Variants in USP32 observed in about 807,000 individuals in gnomAD.
USP32 encodes ubiquitin specific peptidase 32, also known as ubiquitin carboxyl-terminal hydrolase 32.
Under a neutral mutation model 204.8 loss-of-function variants are expected in USP32, and 59 were observed. The observed-to-expected ratio is 0.29, with a 90% confidence interval of 0.23 to 0.36. The LOEUF (loss-of-function observed/expected upper bound fraction) is 0.36. USP32 is among the 10% of genes least tolerant of loss of function. The pLI, the probability that USP32 is intolerant of heterozygous loss-of-function variation, is 1.00. For synonymous variants in USP32, 517 were observed against 678.4 expected, an observed-to-expected ratio of 0.76 and a Z score of 3.70; for missense variants, 1,160 against 1,946.4, an observed-to-expected ratio of 0.60 and a Z score of 7.60.
intron 1 of USP32, among the ~76,000 whole-genome samples, chr17:60,383,055 G>A (rs1234284034): frequency 6.6e-6 from 1 of 151,892 alleles, no homozygotes; most frequent in Non-Finnish European, 1.5e-5. Context: ...AGACCATCCT[G>A]GCCAACATGC....
intron 2 of USP32, among the ~76,000 whole-genome samples, chr17:60,330,006 A>G (rs1477979314): frequency 6.6e-6 from 1 of 152,180 alleles, no homozygotes; most frequent in Non-Finnish European, 1.5e-5. Flanking sequence ...AAAATAATTA[A>G]ATAATTTCTT....
At position 60,368,141 on chromosome 17, in the gene USP32, CAACAA is replaced by C. The variant is rs1178101748; in HGVS notation, c.59-22538_59-22534del. Among the ~76,000 whole-genome samples, 57 of 152,270 alleles carry C rather than the reference CAACAA, an allele frequency of 3.7e-4. No individual in the cohort carries two copies. In the East Asian group the frequency reaches 9.7e-3, roughly 26 times the overall value. On this transcript the variant is annotated intron_variant, in intron 1 of 33. Coordinates refer to ENST00000300896, the MANE Select transcript of USP32 (RefSeq NM_032582.4). ...AGCCATATAAGCTAACCAGCAACAA[CAACAA>C]AACAAAATTCCACCTAATCAACTTC...
intron 8 of USP32, among the ~76,000 whole-genome samples, 154 bp downstream of exon 8, chr17:60,265,822 T>C (rs548796981): frequency 6.6e-6 from 1 of 152,376 alleles, no homozygotes; most frequent in East Asian, 1.9e-4. Context: ...AAACTCTCTT[T>C]CCAATTTTGC....
At chr17:60,349,596 A>AAT (rs1187939098) in intron 1 of USP32, among the ~76,000 whole-genome samples, 126 of 65,152 alleles carry the variant, frequency 1.9e-3, no homozygotes, top group East Asian at 4.7e-3. Flanking sequence ...AAAAAAAAAA[A>AAT]ATATATATAT....
At chr17:60,239,296 T>C (rs2085814551) in intron 11 of USP32, among the ~76,000 whole-genome samples, 2 of 152,244 alleles carry the variant, frequency 1.3e-5, no homozygotes, top group African/African-American at 4.8e-5. Context: ...TACAGTTTCA[T>C]TATAATGCTT....
At chr17:60,413,876 GAAAAA>G (rs753405307) in intron 1 of USP32, among the ~76,000 whole-genome samples, 1 of 95,106 alleles carries the variant, frequency 1.1e-5, no homozygotes, top group African/African-American at 3.8e-5. Flanking sequence ...AAAAAAAAAA[GAAAAA>G]AAAAAAAAAA....
intron 2 of USP32, among the ~76,000 whole-genome samples, chr17:60,320,012 G>A (rs2088076150): frequency 6.6e-6 from 1 of 152,120 alleles, no homozygotes; most frequent in African/African-American, 2.4e-5. Context: ...GACTGCGTAA[G>A]TATCTTCAAT....
intron 1 of USP32, among the ~76,000 whole-genome samples, chr17:60,413,894 A>AAAAAAAAAAAAAAAAAAAG (rs2090039312): frequency 6.6e-6 from 1 of 150,438 alleles, no homozygotes; most frequent in African/African-American, 2.4e-5. Flanking sequence ...AAAAAAAAAA[A>AAAAAAAAAAAAAAAAAAAG]AGAATGTTAC....
chr17:60,185,129 C>T (rs576183363), intron 30 of USP32, among the ~76,000 whole-genome samples: 1 of 152,318 alleles, frequency 6.6e-6, no homozygotes, highest in East Asian at 1.9e-4. Flanking sequence ...GCCTAAGCTT[C>T]CTCTCTCCAC....
chr17:60,422,264 G>A, exon 1 of USP32: 1 of 387,638 alleles, frequency 2.6e-6, no homozygotes, highest in South Asian at 2.3e-5. Context: ...GTCAGGATCA[G>A]CATCTGACAG....
At chr17:60,227,871 A>G (rs1211069074) in intron 12 of USP32, among the ~76,000 whole-genome samples, 1 of 152,178 alleles carries the variant, frequency 6.6e-6, no homozygotes, top group African/African-American at 2.4e-5. Flanking sequence ...TTAAGTAAAA[A>G]TGGCATAATT....
At position 60,373,443 on chromosome 17, in the gene USP32, A is replaced by T. The variant is rs1217817047; in HGVS notation, c.58+18439T>A. On this transcript the variant is annotated intron_variant, in intron 1 of 33. Coordinates refer to ENST00000300896, the MANE Select transcript of USP32 (RefSeq NM_032582.4). Reference sequence around the variant, plus strand: ...AATAAATTAATTTTAGCTTACTGTAATTTTTTTTTTTTTTTTTTGAGACCA... The same window carrying T: ...AATAAATTAATTTTAGCTTACTGTATTTTTTTTTTTTTTTTTTTGAGACCA... Among the ~76,000 whole-genome samples the T allele has an allele frequency of 4.4e-5, 6 of 135,874 alleles. No individual in the cohort carries two copies. In the East Asian group the frequency reaches 1.2e-3, roughly 28 times the overall value. The allele number at this position is 135,874 out of a possible 152,430, so 89.1% of individuals were successfully genotyped here.
At chr17:60,309,459 G>A (rs1320769586) in intron 2 of USP32, among the ~76,000 whole-genome samples, 2 of 151,822 alleles carry the variant, frequency 1.3e-5, no homozygotes, top group Non-Finnish European at 2.9e-5. Flanking sequence ...AAAATTAGCT[G>A]GGTGTGGTGG....
intron 1 of USP32, among the ~76,000 whole-genome samples, chr17:60,416,438 T>C (rs967367507): frequency 9.9e-5 from 15 of 151,986 alleles, no homozygotes; most frequent in African/African-American, 3.1e-4. Flanking sequence ...GTGGGCAAAT[T>C]AACAACCCAC....
At chr17:60,404,978 ACCAGTCTGG>A (rs1207930052) in intron 1 of USP32, among the ~76,000 whole-genome samples, 1 of 151,988 alleles carries the variant, frequency 6.6e-6, no homozygotes, top group Non-Finnish European at 1.5e-5. Context: ...GGAATTGGAG[ACCAGTCTGG>A]CCAACTTGGT....
intron 4 of USP32, among the ~76,000 whole-genome samples, chr17:60,291,465 A>G (rs531522812): frequency 1.3e-5 from 2 of 152,306 alleles, no homozygotes; most frequent in South Asian, 4.1e-4. Context: ...GAAAAAGCTG[A>G]GACCCATATC....
chr17:60,271,298 G>C, intron 6 of USP32, 52 bp downstream of exon 6: 1 of 1,585,020 alleles, frequency 6.3e-7, no homozygotes, highest in Non-Finnish European at 8.6e-7. Flanking sequence ...ATATGAGATG[G>C]GCTCAGGTAT....
rs1464548991 is a variant in USP32, at chr17:60,228,217, G to T, written c.1240-1986C>A. Among the ~76,000 whole-genome samples, 9 of 152,046 alleles carry T rather than the reference G, an allele frequency of 5.9e-5. No homozygotes were observed. In the East Asian group the frequency reaches 1.7e-3, roughly 30 times the overall value. ...TTTATGTATTTTTAATAGAGACAGG[G>T]TTTCACCATGCTGGCCTCAAACTCC... On this transcript the variant is annotated intron_variant, in intron 12 of 33. Coordinates refer to ENST00000300896, the MANE Select transcript of USP32 (RefSeq NM_032582.4).
intron 1 of USP32, among the ~76,000 whole-genome samples, chr17:60,413,019 T>C (rs1276408351): frequency 6.6e-6 from 1 of 151,936 alleles, no homozygotes; most frequent in East Asian, 1.9e-4. Context: ...TTAGAGCACA[T>C]GAAGCCCAAA....
Sources: allele counts gnomAD v4.1 joint callset (sites outside exome capture counted in the v4.1 genomes callset), GRCh38; gene constraint gnomAD v4.1.1; transcripts MANE v1.5; gene names NCBI Gene and HGNC (gene_info 2026-07-23, HGNC 2026-07-21).